TYR: variants seen among roughly 807,000 people sequenced by gnomAD.
TYR encodes tyrosinase.
Under a neutral mutation model 51.5 loss-of-function variants are expected in TYR, and 58 were observed. The ratio of observed to expected loss-of-function variants is 1.13; its 90% CI spans 0.91 to 1.40. The LOEUF is 1.40. Ranked by LOEUF, TYR falls within the 40% of genes most tolerant of loss-of-function variation. The pLI is 0.00. For synonymous variants in TYR, 263 were observed against 235.2 expected, an observed-to-expected ratio of 1.12 and a Z score of -1.08; for missense variants, 732 against 647.4, an observed-to-expected ratio of 1.13 and a Z score of -1.42.
chr11:89,280,305 T>A (rs1399753834), intron 3 of TYR, among the ~76,000 whole-genome samples: 1 of 151,656 alleles, frequency 6.6e-6, no homozygotes, highest in Non-Finnish European at 1.5e-5. Context: ...ATATGTTACA[T>A]TTTTTGGAAA....
chr11:89,217,953 AAT>A (rs1305803069), intron 2 of TYR, among the ~76,000 whole-genome samples: 1 of 152,144 alleles, frequency 6.6e-6, no homozygotes, highest in Non-Finnish European at 1.5e-5. Flanking sequence ...TTTATGGGTG[AAT>A]AGTTATTTCT....
At chr11:89,211,628 C>A (rs927962481) in intron 2 of TYR, among the ~76,000 whole-genome samples, 3 of 152,186 alleles carry the variant, frequency 2.0e-5, no homozygotes, top group Non-Finnish European at 2.9e-5. Context: ...GAACTCTCCA[C>A]CCCAAATCAA....
chr11:89,217,466 T>C (rs1037389074), intron 2 of TYR, among the ~76,000 whole-genome samples: 1 of 152,174 alleles, frequency 6.6e-6, no homozygotes, highest in African/African-American at 2.4e-5. Context: ...TGAGGATGCA[T>C]GGAGAATTGT....
chr11:89,246,361 T>C (rs1944267472), intron 3 of TYR, among the ~76,000 whole-genome samples: 2 of 152,174 alleles, frequency 1.3e-5, no homozygotes, highest in Non-Finnish European at 2.9e-5. Context: ...ACTACTTTCC[T>C]CATAAGAACC....
chr11:89,233,487 T>A (rs1944075501), intron 3 of TYR, among the ~76,000 whole-genome samples: 1 of 138,638 alleles, frequency 7.2e-6, no homozygotes, highest in Admixed American at 7.4e-5. Flanking sequence ...TGGCGACTCC[T>A]TTCCAAAAGG....
chr11:89,177,879 T>G lies in TYR; in HGVS notation c.-75T>G. On this transcript the variant is annotated 5_prime_UTR_variant, in exon 1 of 5. Coordinates refer to ENST00000263321, the MANE Select transcript of TYR (RefSeq NM_000372.5). ...CAGCCAAGACATGTGATAATCACTGTAGTAGTAGCTGGAAAGAGAAATCTG... is the reference window on the plus strand; with the variant it reads ...CAGCCAAGACATGTGATAATCACTGGAGTAGTAGCTGGAAAGAGAAATCTG... The G allele has an allele frequency of 7.1e-7, 1 of 1,409,412 alleles. No homozygotes were observed. Among genetic ancestry groups the G allele is most frequent in the Non-Finnish European group, 1.0e-6 (1 of 1,000,840 alleles). 87.3% of individuals were successfully genotyped at this position (1,409,412 alleles called of 1,614,324 possible).
chr11:89,208,345 A>T (rs1467590029), intron 2 of TYR, among the ~76,000 whole-genome samples: 1 of 152,210 alleles, frequency 6.6e-6, no homozygotes. Context: ...AAATAGATAG[A>T]TGAGATAAAA....
At chr11:89,240,022 T>C (rs1435968303) in intron 3 of TYR, among the ~76,000 whole-genome samples, 1 of 152,154 alleles carries the variant, frequency 6.6e-6, no homozygotes, top group African/African-American at 2.4e-5. Flanking sequence ...GCTGTTAGAA[T>C]GTTCTGTATA....
At chr11:89,232,777 A>T (rs1204660215) in intron 3 of TYR, among the ~76,000 whole-genome samples, 1 of 143,472 alleles carries the variant, frequency 7.0e-6, no homozygotes, top group Non-Finnish European at 1.5e-5. Flanking sequence ...GTACAATCTC[A>T]TTATGCCTAA....
chr11:89,278,939 T>G (rs1944688666), intron 3 of TYR, among the ~76,000 whole-genome samples: 1 of 151,744 alleles, frequency 6.6e-6, no homozygotes. Context: ...CTCAGGTATT[T>G]TGTAAAATGT....
chr11:89,241,805 T>G (rs1319137785), intron 3 of TYR, among the ~76,000 whole-genome samples: 4 of 148,102 alleles, frequency 2.7e-5, no homozygotes, highest in African/African-American at 9.8e-5. Flanking sequence ...TTTTATATAC[T>G]ATATAATATA....
intron 2 of TYR, among the ~76,000 whole-genome samples, chr11:89,214,540 A>G (rs996743210): frequency 6.6e-6 from 1 of 152,240 alleles, no homozygotes; most frequent in African/African-American, 2.4e-5. Context: ...GGGTATACCC[A>G]AAGGATTATA....
At chr11:89,220,228 G>A (rs938539243) in intron 2 of TYR, among the ~76,000 whole-genome samples, 11 of 152,242 alleles carry the variant, frequency 7.2e-5, no homozygotes, top group African/African-American at 1.7e-4. Flanking sequence ...TTCTGGGGAG[G>A]CTGAAACTTA....
intron 3 of TYR, among the ~76,000 whole-genome samples, chr11:89,243,793 C>T (rs1195192689): frequency 1.3e-5 from 2 of 152,048 alleles, no homozygotes; most frequent in Non-Finnish European, 2.9e-5. Flanking sequence ...TGAACTCTTG[C>T]ATACAATGGA....
In TYR at chr11:89,178,606, G is replaced by A. The variant is rs1943260292; in HGVS notation, c.653G>A (p.Trp218Ter). 6.2e-7 allele frequency: 1 copy of A among 1,612,630 alleles called. No individual in the cohort carries two copies. Among genetic ancestry groups the A allele is most frequent in the Non-Finnish European group, 8.5e-7 (1 of 1,179,156 alleles). Residue 218 changes from tryptophan (W) to a stop codon, truncating the protein, a stop_gained, in exon 1 of 5, where the codon TGG becomes TAG. Coordinates refer to ENST00000263321, the MANE Select transcript of TYR (RefSeq NM_000372.5). LOFTEE classifies it high-confidence loss of function. The stretch of plus-strand genomic sequence containing the variant: ...TGGCATAGACTCTTCTTGTTGCGGT[G>A]GGAACAAGAAATCCAGAAGCTGACA... ...LPWHRLFLLR[W>*]EQEIQKLTGD...
At chr11:89,217,540 A>C (rs1270290980) in intron 2 of TYR, among the ~76,000 whole-genome samples, 1 of 152,292 alleles carries the variant, frequency 6.6e-6, no homozygotes, top group East Asian at 1.9e-4. Context: ...CATGTCATTG[A>C]CCACTACTTA....
chr11:89,213,348 G>A (rs1372730628), intron 2 of TYR, among the ~76,000 whole-genome samples: 1 of 152,076 alleles, frequency 6.6e-6, no homozygotes, highest in Non-Finnish European at 1.5e-5. Context: ...TTACTATAAA[G>A]AGAATAAAAT....
intron 3 of TYR, among the ~76,000 whole-genome samples, chr11:89,242,640 G>A (rs1309247744): frequency 6.6e-6 from 1 of 152,158 alleles, no homozygotes; most frequent in Non-Finnish European, 1.5e-5. Flanking sequence ...TTTCCATGTA[G>A]AACATTGTGT....
In TYR at chr11:89,234,590, T is replaced by C. The variant is rs1206489031; in HGVS notation, c.1184+6620T>C. On this transcript the variant is annotated intron_variant, in intron 3 of 4. Transcript: ENST00000263321. ...GCAACTCTTTCTTTCATTTGAACACTTAGAGGCCATTTTAGGGTTATTAAT... is the reference window on the plus strand; with the variant it reads ...GCAACTCTTTCTTTCATTTGAACACCTAGAGGCCATTTTAGGGTTATTAAT... Among the ~76,000 whole-genome samples the C allele has an allele frequency of 2.1e-5, 3 of 142,986 alleles. 1 individual carries two copies. The highest frequency in any genetic ancestry group is 4.5e-5 in the Non-Finnish European group (3 of 66,620). 93.8% of individuals were successfully genotyped at this position (142,986 alleles called of 152,430 possible). A position where few individuals can be genotyped will look rare whatever the true frequency, so the allele number is the denominator to read the frequency against.
Sources: allele counts gnomAD v4.1 joint callset (sites outside exome capture counted in the v4.1 genomes callset), GRCh38; gene constraint gnomAD v4.1.1; transcripts MANE v1.5; gene names NCBI Gene and HGNC (gene_info 2026-07-23, HGNC 2026-07-21).